The following RAB3B variants were observed in gnomAD, a reference collection of about 807,000 sequenced individuals.
RAB3B encodes ras-related protein Rab-3B.
A neutral mutation model predicts 20.5 loss-of-function variants in RAB3B; 11 were observed. The observed-to-expected ratio is 0.54, with a 90% CI of 0.34 to 0.89. RAB3B has a LOEUF of 0.89. Ranked by LOEUF, RAB3B falls within the 40% of genes least tolerant of loss-of-function variation. The pLI is 0.02. For synonymous variants in RAB3B, 99 were observed against 106.3 expected (o/e 0.93, Z 0.42); for missense variants, 225 against 280.9 (o/e 0.80, Z 1.42).
rs992951389 is a variant in RAB3B, at chr1:51,915,760, T to C, written c.*4167A>G. On this transcript the variant is annotated 3_prime_UTR_variant, in exon 5 of 5. Coordinates refer to ENST00000371655, the MANE Select transcript of RAB3B (RefSeq NM_002867.4). ...CCCAGGCTGAAGTGCAGTGGCACGA[T>C]CTCGGCTCACTGCAACCTCTGCCTC... The C allele has an allele frequency of 2.6e-5, 4 of 152,570 alleles. No homozygotes were observed. Among genetic ancestry groups the C allele is most frequent in the African/African-American group, 9.6e-5 (4 of 41,460 alleles). 9.5% of individuals were successfully genotyped at this position (152,570 alleles called of 1,614,324 possible).
At chr1:51,943,789 A>G (rs912064406) in intron 2 of RAB3B, among the ~76,000 whole-genome samples, 2 of 152,228 alleles carry the variant, frequency 1.3e-5, no homozygotes, top group Admixed American at 6.5e-5. Context: ...GAAGGCTGAG[A>G]GAGGTGAAGG....
Position 51,915,648 on chromosome 1 carries a change from C to T in RAB3B, c.*4279G>A, listed in dbSNP as rs923272392. 6.6e-6 allele frequency: 1 copy of T among 151,210 alleles called. No homozygotes were observed. Among genetic ancestry groups the T allele is most frequent in the Admixed American group, 6.7e-5 (1 of 15,036 alleles). 9.4% of individuals were successfully genotyped at this position (151,210 alleles called of 1,614,324 possible). On this transcript the variant is annotated 3_prime_UTR_variant, in exon 5 of 5. Transcript: ENST00000371655. The stretch of plus-strand genomic sequence containing the variant: ...CAATACTGTATTGCACTTTTGGCCA[C>T]TTTTGCGTCTTTAGAAGTCAAGAGG...
chr1:51,973,606 T>C (rs1684965983), intron 2 of RAB3B: 1 of 152,226 alleles, frequency 6.6e-6, no homozygotes. Flanking sequence ...CCATTTTCTT[T>C]ATGCTCACTT....
At chr1:51,932,856 T>C (rs1420632290) in intron 4 of RAB3B, among the ~76,000 whole-genome samples, 1 of 152,166 alleles carries the variant, frequency 6.6e-6, no homozygotes, top group Non-Finnish European at 1.5e-5. Flanking sequence ...GCTAGGAAGC[T>C]CAAAGACAAC....
At chr1:51,968,521 C>G (rs1684886357) in intron 2 of RAB3B, among the ~76,000 whole-genome samples, 1 of 152,184 alleles carries the variant, frequency 6.6e-6, no homozygotes, top group Non-Finnish European at 1.5e-5. Context: ...ATTAATATCT[C>G]TATCCCCAGA....
chr1:51,926,954 A>T (rs568182234), intron 4 of RAB3B, among the ~76,000 whole-genome samples: 4 of 152,248 alleles, frequency 2.6e-5, no homozygotes, highest in African/African-American at 9.6e-5. Context: ...ACTATACAGC[A>T]ATACAGATAC....
At chr1:51,956,893 C>T (rs1684714075) in intron 2 of RAB3B, among the ~76,000 whole-genome samples, 1 of 152,174 alleles carries the variant, frequency 6.6e-6, no homozygotes, top group East Asian at 1.9e-4. Flanking sequence ...AACACCTTGC[C>T]TGAAGCCATA....
intron 4 of RAB3B, among the ~76,000 whole-genome samples, chr1:51,932,939 C>G (rs1041724334): frequency 1.8e-4 from 27 of 152,138 alleles, no homozygotes; most frequent in African/African-American, 5.8e-4. Flanking sequence ...TTTCCCTCAC[C>G]CTTGCTTTCC....
chr1:51,946,773 CAGGCACATGTTAGT>C (rs1381127952), intron 2 of RAB3B, among the ~76,000 whole-genome samples: 33 of 152,282 alleles, frequency 2.2e-4, no homozygotes, highest in Middle Eastern at 3.4e-3. Context: ...TACTACATGC[CAGGCACATGTTAGT>C]AGGCACCTTT....
intron 2 of RAB3B, 24 bp downstream of exon 2, chr1:51,976,866 C>G: frequency 6.2e-7 from 1 of 1,604,440 alleles, no homozygotes; most frequent in Non-Finnish European, 8.5e-7. Context: ...CAGGAAAATC[C>G]TGCCCAAGAT....
At chr1:51,966,532 T>C (rs569781576) in intron 2 of RAB3B, among the ~76,000 whole-genome samples, 1 of 152,308 alleles carries the variant, frequency 6.6e-6, no homozygotes, top group South Asian at 2.1e-4. Context: ...ACCCCTTCAA[T>C]AGTCAATCAG....
At chr1:51,933,291 A>G in intron 4 of RAB3B, 27 bp downstream of exon 4, 2 of 1,611,460 alleles carry the variant, frequency 1.2e-6, no homozygotes, top group South Asian at 2.2e-5. Flanking sequence ...AAATGCACAC[A>G]TGCACATACA....
Position 51,910,192 on chromosome 1 carries a change from G to C in RAB3B, c.*9735C>G, listed in dbSNP as rs1013214311. 3 of 152,230 alleles carry C rather than the reference G, an allele frequency of 2.0e-5. No individual in the cohort carries two copies. The South Asian group carries it at 6.2e-4, about 32-fold the overall frequency. The allele number at this position is 152,230 out of a possible 1,614,324, so 9.4% of individuals were successfully genotyped here. A position where few individuals can be genotyped will look rare whatever the true frequency, so the allele number is the denominator to read the frequency against. Reference sequence around the variant, plus strand: ...TGACCTTCTGAAACCTCATCCTGTGGTCTGATGTCTACAGGGGTTGGAAGA... The same window carrying C: ...TGACCTTCTGAAACCTCATCCTGTGCTCTGATGTCTACAGGGGTTGGAAGA... On this transcript the variant is annotated 3_prime_UTR_variant, in exon 5 of 5. Transcript: ENST00000371655.
chr1:51,937,787 G>A lies in RAB3B; in HGVS notation c.229-375C>T, dbSNP rs571173621. Among the ~76,000 whole-genome samples the A allele has an allele frequency of 7.9e-5, 12 of 152,112 alleles. No homozygotes were observed. In the South Asian group the frequency reaches 8.3e-4, roughly 11 times the overall value. On this transcript the variant is annotated intron_variant, in intron 2 of 4. Coordinates refer to ENST00000371655, the MANE Select transcript of RAB3B (RefSeq NM_002867.4). ...GCTGGGATTACAGGAGTGAGCCACC[G>A]CGCCCAACCCAAGGCATATTTAAGG...
intron 2 of RAB3B, among the ~76,000 whole-genome samples, chr1:51,966,765 G>A (rs1167339110): frequency 6.6e-6 from 1 of 152,142 alleles, no homozygotes; most frequent in African/African-American, 2.4e-5. Context: ...CTGAGCACAG[G>A]ATGGTGTACT....
At chr1:51,966,221 A>G (rs984868563) in intron 2 of RAB3B, among the ~76,000 whole-genome samples, 1 of 152,240 alleles carries the variant, frequency 6.6e-6, no homozygotes, top group Non-Finnish European at 1.5e-5. Context: ...GAAAAAAATC[A>G]GACTCATTTG....
At chr1:51,969,618 CT>C (rs11340886) in intron 2 of RAB3B, among the ~76,000 whole-genome samples, 113,989 of 151,074 alleles carry the variant, frequency 0.75, 45,845 homozygotes, top group Non-Finnish European at 0.88. Flanking sequence ...AGTAATAAGG[CT>C]TTTTTTTTTC....
intron 2 of RAB3B, among the ~76,000 whole-genome samples, chr1:51,950,420 A>T (rs553801599): frequency 6.6e-6 from 1 of 152,316 alleles, no homozygotes; most frequent in South Asian, 2.1e-4. Context: ...GCTAACTATT[A>T]GGCCCTCAAC....
intron 3 of RAB3B, among the ~76,000 whole-genome samples, chr1:51,936,739 G>A (rs1684408964): frequency 6.6e-6 from 1 of 152,098 alleles, no homozygotes. Flanking sequence ...CTGGGTCAGA[G>A]AGCCCTCTGC....
Sources: gnomAD v4.1 joint callset for allele counts (sites outside exome capture counted in the v4.1 genomes callset) on GRCh38, gnomAD v4.1.1 for gene constraint, MANE v1.5 for transcripts, NCBI Gene and HGNC (gene_info 2026-07-23, HGNC 2026-07-21) for gene names.